NLGN1: variants seen among roughly 807,000 people sequenced by gnomAD.
NLGN1 encodes neuroligin 1.
NLGN1 carries 12 observed loss-of-function variants against 65.5 expected under a neutral mutation model. The ratio of observed to expected loss-of-function variants is 0.18; its 90% CI spans 0.12 to 0.30. The LOEUF (loss-of-function observed/expected upper bound fraction) is 0.30. Among genes scored for constraint, NLGN1 ranks in the 10% least tolerant of loss-of-function variants. NLGN1 has a pLI of 1.00. For synonymous variants in NLGN1, 350 were observed against 359.5 expected (o/e 0.97, Z 0.30); for missense variants, 750 against 1,007.1 (o/e 0.74, Z 3.46).
chr3:173,986,628 C>T (rs1208978494), intron 4 of NLGN1, among the ~76,000 whole-genome samples: 2 of 152,128 alleles, frequency 1.3e-5, no homozygotes, highest in South Asian at 2.1e-4. Flanking sequence ...CACTTCTAAC[C>T]TCCACAAATG....
At chr3:174,048,018 A>G (rs774783661) in intron 4 of NLGN1, among the ~76,000 whole-genome samples, 4 of 152,080 alleles carry the variant, frequency 2.6e-5, no homozygotes, top group Non-Finnish European at 5.9e-5. Flanking sequence ...AGATCTGATT[A>G]GGTTTGTCAT....
chr3:173,652,823 G>C (rs1460214520), intron 3 of NLGN1, among the ~76,000 whole-genome samples: 1 of 152,108 alleles, frequency 6.6e-6, no homozygotes, highest in Non-Finnish European at 1.5e-5. Flanking sequence ...TGAATCTGTA[G>C]ATTGCTTTAG....
intron 4 of NLGN1, among the ~76,000 whole-genome samples, chr3:174,095,339 C>T (rs1020775726): frequency 5.9e-5 from 9 of 151,302 alleles, no homozygotes; most frequent in African/African-American, 2.2e-4. Context: ...CAATGAAAAG[C>T]AAATTAAGAG....
At chr3:174,167,950 G>A (rs1164963368) in intron 4 of NLGN1, among the ~76,000 whole-genome samples, 4 of 151,598 alleles carry the variant, frequency 2.6e-5, no homozygotes, top group Non-Finnish European at 5.9e-5. Context: ...TAACAGACTT[G>A]TCTTTAAGCA....
intron 2 of NLGN1, among the ~76,000 whole-genome samples, chr3:173,465,963 A>G (rs1724274180): frequency 6.6e-6 from 1 of 152,240 alleles, no homozygotes. Flanking sequence ...ATTACATGTC[A>G]GTAAACATGA....
chr3:174,188,203 A>G (rs1046088514), intron 4 of NLGN1, among the ~76,000 whole-genome samples: 3 of 151,996 alleles, frequency 2.0e-5, no homozygotes, highest in Admixed American at 6.6e-5. Flanking sequence ...GTAACACTTT[A>G]TACCCTTCTA....
intron 3 of NLGN1, among the ~76,000 whole-genome samples, chr3:173,648,805 C>A (rs141419023): frequency 1.3e-5 from 2 of 152,034 alleles, no homozygotes; most frequent in African/African-American, 4.8e-5. Context: ...AAATTCCTGA[C>A]CTCAGGTGAT....
intron 4 of NLGN1, among the ~76,000 whole-genome samples, chr3:174,071,313 A>G (rs1032414876): frequency 3.9e-5 from 6 of 152,150 alleles, no homozygotes; most frequent in Admixed American, 6.5e-5. Context: ...AATAGAATCA[A>G]TTAGGAAAAA....
At chr3:173,517,653 G>A (rs563825704) in intron 2 of NLGN1, among the ~76,000 whole-genome samples, 3 of 152,144 alleles carry the variant, frequency 2.0e-5, no homozygotes, top group African/African-American at 7.2e-5. Context: ...TACAGTCTAT[G>A]TATTCTCAAC....
intron 4 of NLGN1, among the ~76,000 whole-genome samples, chr3:174,088,757 AAAATAAATAAATAAAT>A (rs71162375): frequency 9.4e-4 from 133 of 141,282 alleles, no homozygotes; most frequent in Non-Finnish European, 9.5e-4. Flanking sequence ...CATCTCAATA[AAAATAAATAAATAAAT>A]AAATAAATAA....
intron 4 of NLGN1, among the ~76,000 whole-genome samples, chr3:174,167,677 C>T (rs1727773132): frequency 6.7e-6 from 1 of 149,798 alleles, no homozygotes; most frequent in Non-Finnish European, 1.5e-5. Flanking sequence ...TGACTATATG[C>T]CTTGGTGATA....
intron 4 of NLGN1, among the ~76,000 whole-genome samples, chr3:174,027,494 A>G (rs1657716314): frequency 6.6e-6 from 1 of 152,178 alleles, no homozygotes; most frequent in African/African-American, 2.4e-5. Flanking sequence ...TGCCAGATGT[A>G]TTTCAGAATT....
intron 4 of NLGN1, among the ~76,000 whole-genome samples, chr3:173,924,061 C>T (rs897200389): frequency 2.0e-5 from 3 of 152,034 alleles, no homozygotes; most frequent in African/African-American, 7.2e-5. Context: ...TCAGCCATGA[C>T]TACAAAAACT....
intron 2 of NLGN1, among the ~76,000 whole-genome samples, chr3:173,447,247 T>C (rs977683182): frequency 1.5e-4 from 23 of 152,168 alleles, no homozygotes; most frequent in African/African-American, 5.6e-4. Flanking sequence ...TTGTATAAGG[T>C]GTAAGGAAGG....
At chr3:173,444,772 G>A (rs908426460) in intron 2 of NLGN1, among the ~76,000 whole-genome samples, 11 of 147,536 alleles carry the variant, frequency 7.5e-5, no homozygotes, top group Non-Finnish European at 1.6e-4. Flanking sequence ...GTATATACAT[G>A]TGTATATATG....
chr3:174,199,158 A>G (rs186010229), intron 4 of NLGN1, among the ~76,000 whole-genome samples: 40 of 152,076 alleles, frequency 2.6e-4, no homozygotes, highest in African/African-American at 8.9e-4. Context: ...GCATATTCTT[A>G]TATTCATTTT....
In NLGN1 at chr3:174,007,163, G is replaced by A. The variant is rs144589553; in HGVS notation, c.646+199331G>A. On this transcript the variant is annotated intron_variant, in intron 4 of 6. Transcript: ENST00000457714. ...AAGACCATGCGGAGCACAGTAAGAC[G>A]GTGACCATCTGCAAGCCAAGAAGAG... Among the ~76,000 whole-genome samples, 315 of 152,188 alleles carry A rather than the reference G, an allele frequency of 2.1e-3. 1 individual carries two copies. Among genetic ancestry groups the A allele is most frequent in the Non-Finnish European group, 3.7e-3 (254 of 68,006 alleles).
chr3:174,046,214 T>G (rs1733555329), intron 4 of NLGN1, among the ~76,000 whole-genome samples: 1 of 152,130 alleles, frequency 6.6e-6, no homozygotes, highest in Non-Finnish European at 1.5e-5. Flanking sequence ...TGAAATTGCT[T>G]TCATATACAA....
At chr3:174,031,587 A>G (rs1730040171) in intron 4 of NLGN1, among the ~76,000 whole-genome samples, 2 of 152,176 alleles carry the variant, frequency 1.3e-5, no homozygotes. Flanking sequence ...AAAAAGCTGT[A>G]TGGCATAAAA....
Sources: gnomAD v4.1 joint callset for allele counts (sites outside exome capture counted in the v4.1 genomes callset) on GRCh38, gnomAD v4.1.1 for gene constraint, MANE v1.5 for transcripts, NCBI Gene and HGNC (gene_info 2026-07-23, HGNC 2026-07-21) for gene names.